Variants in KHDRBS2 observed in about 807,000 individuals in gnomAD.
KHDRBS2 encodes the protein KH RNA binding domain containing, signal transduction associated 2, also known as KH domain-containing, RNA-binding, signal transduction-associated protein 2.
Under a neutral mutation model 44.3 loss-of-function variants are expected in KHDRBS2, and 26 were observed. The observed-to-expected ratio is 0.59, with a 90% CI of 0.43 to 0.81. KHDRBS2 has a LOEUF of 0.81. Ranked by LOEUF, KHDRBS2 falls within the 40% of genes least tolerant of loss-of-function variation. The pLI, the probability that KHDRBS2 is intolerant of heterozygous loss-of-function variation, is 0.00. For missense variants in KHDRBS2, 476 were observed against 433.1 expected (o/e 1.10, Z -0.88); for synonymous variants, 194 against 151.1 (o/e 1.28, Z -2.08).
intron 1 of KHDRBS2, among the ~76,000 whole-genome samples, chr6:62,284,602 C>T (rs1842220874): frequency 6.6e-6 from 1 of 151,882 alleles, no homozygotes; most frequent in Non-Finnish European, 1.5e-5. Context: ...TTGTATTTCA[C>T]CTTCCCACTT....
intron 4 of KHDRBS2, among the ~76,000 whole-genome samples, chr6:61,921,291 C>T (rs1231195225): frequency 1.3e-5 from 2 of 151,908 alleles, no homozygotes; most frequent in African/African-American, 4.8e-5. Context: ...TACCAATCAG[C>T]AAGTGTTCTT....
chr6:61,553,647 A>G, the KHDRBS2 span, among the ~76,000 whole-genome samples: 1 of 152,098 alleles, frequency 6.6e-6, no homozygotes, highest in Non-Finnish European at 1.5e-5. Flanking sequence ...GTTTAGTGCT[A>G]TAAATTTCCC....
chr6:62,118,094 G>A lies in KHDRBS2; in HGVS notation c.219+59091C>T, dbSNP rs142133899. Among the ~76,000 whole-genome samples, 20 of 152,252 alleles carry A rather than the reference G, an allele frequency of 1.3e-4. No individual in the cohort carries two copies. In the East Asian group the frequency reaches 2.3e-3, roughly 18 times the overall value. ...TCTGGCCTTGACTCAATTTTTGTAC[G>A]TGGTGAGAGATAGGTGTCTAGTTTC... On this transcript the variant is annotated intron_variant, in intron 2 of 8. Coordinates refer to ENST00000281156, the MANE Select transcript of KHDRBS2 (RefSeq NM_152688.4).
At chr6:61,763,480 C>T (rs945123576) in intron 6 of KHDRBS2, among the ~76,000 whole-genome samples, 1 of 152,116 alleles carries the variant, frequency 6.6e-6, no homozygotes, top group Non-Finnish European at 1.5e-5. Flanking sequence ...GTTCCTGAGA[C>T]TTTGTGCTGA....
intron 6 of KHDRBS2, among the ~76,000 whole-genome samples, chr6:61,857,198 T>A (rs1445518087): frequency 1.3e-5 from 2 of 152,094 alleles, no homozygotes; most frequent in Non-Finnish European, 1.5e-5. Flanking sequence ...ATGAACTACA[T>A]ATTTCATCAG....
chr6:61,596,943 C>A, the KHDRBS2 span, among the ~76,000 whole-genome samples: 1 of 152,074 alleles, frequency 6.6e-6, no homozygotes, highest in Non-Finnish European at 1.5e-5. Context: ...AGCCACCGTG[C>A]CCAGCCACAT....
At chr6:61,866,295 C>T (rs962133249) in intron 6 of KHDRBS2, among the ~76,000 whole-genome samples, 6 of 152,238 alleles carry the variant, frequency 3.9e-5, no homozygotes, top group Non-Finnish European at 8.8e-5. Context: ...CAATTCTTGA[C>T]AAATGTGCAC....
chr6:61,735,813 A>G (rs1331685275), intron 6 of KHDRBS2, among the ~76,000 whole-genome samples: 1 of 151,866 alleles, frequency 6.6e-6, no homozygotes, highest in African/African-American at 2.4e-5. Flanking sequence ...CTGAAAAAAA[A>G]TGACTTTTAA....
At chr6:62,102,615 G>A (rs1347859163) in intron 2 of KHDRBS2, among the ~76,000 whole-genome samples, 2 of 152,174 alleles carry the variant, frequency 1.3e-5, no homozygotes, top group Non-Finnish European at 2.9e-5. Flanking sequence ...CCTGACTCTG[G>A]CCCACGGCTC....
chr6:62,217,453 T>G (rs1830207810), intron 1 of KHDRBS2, among the ~76,000 whole-genome samples: 1 of 151,942 alleles, frequency 6.6e-6, no homozygotes, highest in African/African-American at 2.4e-5. Context: ...AAATTCCAAA[T>G]GCTGTCTTAG....
chr6:61,873,290 A>T (rs1458565789), intron 6 of KHDRBS2, among the ~76,000 whole-genome samples: 2 of 152,084 alleles, frequency 1.3e-5, no homozygotes, highest in Non-Finnish European at 2.9e-5. Context: ...TCCAGAACAT[A>T]TAAAGAACTC....
chr6:61,927,039 C>T (rs1809106380), intron 4 of KHDRBS2, among the ~76,000 whole-genome samples: 2 of 151,948 alleles, frequency 1.3e-5, no homozygotes, highest in Admixed American at 6.6e-5. Flanking sequence ...GTCTGATTGA[C>T]CCTATGTCAC....
the KHDRBS2 span, among the ~76,000 whole-genome samples, chr6:61,591,299 A>T: frequency 2.6e-5 from 4 of 152,224 alleles, no homozygotes; most frequent in Non-Finnish European, 5.9e-5. Context: ...ATGAAAATAT[A>T]TAACAATTAA....
chr6:61,718,545 A>G (rs1227830940), intron 7 of KHDRBS2, among the ~76,000 whole-genome samples: 1 of 152,002 alleles, frequency 6.6e-6, no homozygotes, highest in African/African-American at 2.4e-5. Context: ...ACTAATGGCA[A>G]CACCGTCTAT....
intron 7 of KHDRBS2, among the ~76,000 whole-genome samples, chr6:61,713,514 A>G (rs185746382): frequency 4.0e-4 from 61 of 151,690 alleles, no homozygotes; most frequent in African/African-American, 1.5e-3. Context: ...CAGTGTTAGA[A>G]GAGAAATATC....
intron 3 of KHDRBS2, among the ~76,000 whole-genome samples, chr6:62,018,364 ATTTT>A (rs1781626678): frequency 6.7e-6 from 1 of 149,872 alleles, no homozygotes; most frequent in South Asian, 2.1e-4. Flanking sequence ...TCACCCAAAT[ATTTT>A]TTATCAAAGT....
intron 4 of KHDRBS2, among the ~76,000 whole-genome samples, chr6:61,958,854 G>T (rs1304820052): frequency 6.6e-6 from 1 of 152,014 alleles, no homozygotes; most frequent in African/African-American, 2.4e-5. Context: ...AGTTCTCTGG[G>T]CTCCTCATTC....
intron 2 of KHDRBS2, among the ~76,000 whole-genome samples, chr6:62,161,934 T>C (rs1817742912): frequency 6.6e-6 from 1 of 152,110 alleles, no homozygotes; most frequent in African/African-American, 2.4e-5. Flanking sequence ...GTTTCCATTG[T>C]TGATGTCACA....
chr6:62,168,092 T>C (rs1384441232), intron 2 of KHDRBS2, among the ~76,000 whole-genome samples: 1 of 152,120 alleles, frequency 6.6e-6, no homozygotes, highest in Admixed American at 6.6e-5. Flanking sequence ...AGAAGAAGTA[T>C]AGAGCAAGTG....
Sources: gnomAD v4.1 joint callset for allele counts (sites outside exome capture counted in the v4.1 genomes callset) on GRCh38, gnomAD v4.1.1 for gene constraint, MANE v1.5 for transcripts, NCBI Gene and HGNC (gene_info 2026-07-23, HGNC 2026-07-21) for gene names.